Variants in TGS1 observed in about 807,000 individuals in gnomAD.
TGS1 encodes trimethylguanosine synthase 1, also known as trimethylguanosine synthase.
A neutral mutation model predicts 92.2 loss-of-function variants in TGS1; 69 were observed. That is an observed-to-expected ratio of 0.75 (90% CI 0.62 to 0.91). The LOEUF (loss-of-function observed/expected upper bound fraction) is 0.91, where lower values mean the gene tolerates loss of function less well. Among genes scored for constraint, TGS1 ranks in the 40% least tolerant of loss-of-function variants. The pLI is 0.00. For missense variants in TGS1, 1,062 were observed against 1,001.2 expected (o/e 1.06, Z -0.82); for synonymous variants, 345 against 338.1 (o/e 1.02, Z -0.22).
chr8:55,783,899 C>A (rs1368245540), intron 2 of TGS1, among the ~76,000 whole-genome samples: 1 of 152,184 alleles, frequency 6.6e-6, no homozygotes, highest in Non-Finnish European at 1.5e-5. Flanking sequence ...AATATGCATA[C>A]AATGAAAGGA....
At chr8:55,781,477 C>T (rs1811561045) in intron 1 of TGS1, among the ~76,000 whole-genome samples, 1 of 152,208 alleles carries the variant, frequency 6.6e-6, no homozygotes, top group Non-Finnish European at 1.5e-5. Flanking sequence ...AACACATTTA[C>T]ATATTTGCTC....
At chr8:55,775,238 C>T (rs1423247621) in intron 1 of TGS1, among the ~76,000 whole-genome samples, 1 of 40,104 alleles carries the variant, frequency 2.5e-5, no homozygotes, top group Admixed American at 3.0e-4. Context: ...AGACTCTGTC[C>T]CGAAAAAAAA....
At chr8:55,780,825 A>G (rs1476284610) in intron 1 of TGS1, among the ~76,000 whole-genome samples, 1 of 152,208 alleles carries the variant, frequency 6.6e-6, no homozygotes, top group Admixed American at 6.5e-5. Context: ...CTAACAGGTT[A>G]TATTCCATTG....
rs778284102 is a variant in TGS1 at position 55,802,569 on chromosome 8, C to G, written c.1962C>G (p.Leu654=). The change falls in exon 9 of 13, where the codon CTC becomes CTG. Residue 654 remains leucine, a synonymous_variant. Coordinates refer to ENST00000260129, the MANE Select transcript of TGS1 (RefSeq NM_024831.8). The part of the protein sequence containing the change: ...LAKYWAQRYR[L]FSRFDDGIKL... ...AATACTGGGCCCAGAGGTACAGGCT[C>G]TTCTCCCGTTTTGATGATGGGATTA... 6.2e-7 allele frequency: 1 copy of G among 1,613,846 alleles called. No homozygotes were observed. Among genetic ancestry groups the G allele is most frequent in the African/African-American group, 1.3e-5 (1 of 74,898 alleles).
At chr8:55,799,355 G>T in intron 8 of TGS1, 135 bp downstream of exon 8, 1 of 839,904 alleles carries the variant, frequency 1.2e-6, no homozygotes, top group Non-Finnish European at 1.8e-6. Flanking sequence ...GTGAGAGAAG[G>T]CATATTAAGT....
intron 10 of TGS1, among the ~76,000 whole-genome samples, chr8:55,805,590 A>G (rs1203310063): frequency 6.6e-6 from 1 of 152,098 alleles, no homozygotes; most frequent in Non-Finnish European, 1.5e-5. Context: ...TCTCTAGAAA[A>G]AATTTTAAAA....
intron 1 of TGS1, among the ~76,000 whole-genome samples, chr8:55,774,608 G>A (rs1305454601): frequency 6.6e-6 from 1 of 152,022 alleles, no homozygotes; most frequent in African/African-American, 2.4e-5. Context: ...TTCAGAAAAT[G>A]TTTTTTGTGC....
chr8:55,786,241 T>A lies in TGS1; in HGVS notation c.343T>A (p.Ser115Thr). 7.5e-7 allele frequency: 1 copy of A among 1,331,730 alleles called. No homozygotes were observed. 82.5% of individuals were successfully genotyped at this position (1,331,730 alleles called of 1,614,324 possible). The change falls in exon 4 of 13, where the codon TCT becomes ACT. Residue 115 changes from serine (S) to threonine (T), a missense_variant. Transcript: ENST00000260129. ...RITAHKDFEV[S>T]MNTRNKVKIK... Reference sequence around the variant, plus strand: ...TCAAGTTATTTATCTGATATAGGTATCTATGAATACTAGAAATAAAGTTAA... The same window carrying A: ...TCAAGTTATTTATCTGATATAGGTAACTATGAATACTAGAAATAAAGTTAA...
rs1453702714 is a variant in TGS1, at chr8:55,825,891, A to T, written c.*1188A>T. Among the ~76,000 whole-genome samples the T allele has an allele frequency of 6.9e-6, 1 of 144,350 alleles. No homozygotes were observed. The highest frequency in any genetic ancestry group is 1.5e-5 in the Non-Finnish European group (1 of 65,292). The allele number at this position is 144,350 out of a possible 152,430, so 94.7% of individuals were successfully genotyped here. ...GTAGCATTCTTTTTTTTTTTTTTAG[A>T]CAGAGTCTTGCTCTGTCGCCCAGGC... On this transcript the variant is annotated 3_prime_UTR_variant, in exon 13 of 13. Transcript: ENST00000260129.
intron 6 of TGS1, 42 bp from the exon 7 acceptor site, chr8:55,795,936 C>T (rs1812030747): frequency 6.8e-7 from 1 of 1,469,188 alleles, no homozygotes; most frequent in African/African-American, 1.4e-5. Context: ...AAATATAATC[C>T]TAGAATTTAA....
At chr8:55,774,852 A>G (rs1457175335) in intron 1 of TGS1, among the ~76,000 whole-genome samples, 1 of 152,182 alleles carries the variant, frequency 6.6e-6, no homozygotes, top group African/African-American at 2.4e-5. Flanking sequence ...AAAGAGGTCT[A>G]AGGGGGATAA....
intron 12 of TGS1, among the ~76,000 whole-genome samples, chr8:55,822,728 C>T (rs1305267074): frequency 1.3e-5 from 2 of 151,706 alleles, no homozygotes; most frequent in African/African-American, 4.8e-5. Flanking sequence ...TGCTTTTAAT[C>T]ATTATAAGGA....
intron 8 of TGS1, among the ~76,000 whole-genome samples, chr8:55,800,379 G>C (rs1056010556): frequency 6.6e-6 from 1 of 152,130 alleles, no homozygotes; most frequent in African/African-American, 2.4e-5. Context: ...TTTCCATTCT[G>C]TAAATACAGA....
At chr8:55,806,926 T>TAA (rs1354300380) in intron 10 of TGS1, among the ~76,000 whole-genome samples, 1 of 147,252 alleles carries the variant, frequency 6.8e-6, no homozygotes, top group African/African-American at 2.6e-5. Context: ...TTTATTTAAT[T>TAA]TTTTTTTTTC....
intron 11 of TGS1, among the ~76,000 whole-genome samples, chr8:55,812,207 A>G (rs1803358273): frequency 6.6e-6 from 1 of 151,974 alleles, no homozygotes; most frequent in African/African-American, 2.4e-5. Context: ...TCTTAACAGG[A>G]AAGATATTTC....
At chr8:55,782,518 C>G (rs1811595099) in intron 1 of TGS1, among the ~76,000 whole-genome samples, 1 of 152,210 alleles carries the variant, frequency 6.6e-6, no homozygotes, top group African/African-American at 2.4e-5. Flanking sequence ...ATAAATGCTA[C>G]CATGTATTAA....
intron 12 of TGS1, among the ~76,000 whole-genome samples, chr8:55,823,168 C>T (rs1375075288): frequency 4.0e-5 from 6 of 151,516 alleles, no homozygotes; most frequent in Admixed American, 1.3e-4. Context: ...TAGAAAGTAA[C>T]GTATTTGCTA....
At chr8:55,792,980 A>G (rs1230427947) in intron 6 of TGS1, among the ~76,000 whole-genome samples, 196 bp downstream of exon 6, 1 of 152,220 alleles carries the variant, frequency 6.6e-6, no homozygotes, top group Non-Finnish European at 1.5e-5. Context: ...TGCACTTTAT[A>G]GCAATCCAGT....
chr8:55,813,487 A>T (rs1803391553), intron 12 of TGS1, among the ~76,000 whole-genome samples: 1 of 152,166 alleles, frequency 6.6e-6, no homozygotes, highest in Non-Finnish European at 1.5e-5. Flanking sequence ...TGATATCTTC[A>T]TTTCATGTTT....
Sources: allele counts gnomAD v4.1 joint callset (sites outside exome capture counted in the v4.1 genomes callset), GRCh38; gene constraint gnomAD v4.1.1; transcripts MANE v1.5; gene names NCBI Gene and HGNC (gene_info 2026-07-23, HGNC 2026-07-21).